The following MAPK8 variants were observed in gnomAD, a reference collection of about 807,000 sequenced individuals.
MAPK8 encodes mitogen-activated protein kinase 8, also known as JUN N-terminal kinase.
A neutral mutation model predicts 52.9 loss-of-function variants in MAPK8; 13 were observed. That is an observed-to-expected ratio of 0.25 (90% confidence interval 0.16 to 0.39). MAPK8 has a LOEUF of 0.39. Ranked by LOEUF, MAPK8 falls within the 10% of genes least tolerant of loss-of-function variation. MAPK8 has a pLI of 1.00. For missense variants in MAPK8, 300 were observed against 519.2 expected, an observed-to-expected ratio of 0.58 and a Z score of 4.10; for synonymous variants, 191 against 169.8, an observed-to-expected ratio of 1.12 and a Z score of -0.97.
At chr10:48,365,495 A>G (rs1432399870) in intron 1 of MAPK8, among the ~76,000 whole-genome samples, 1 of 152,076 alleles carries the variant, frequency 6.6e-6, no homozygotes, top group Non-Finnish European at 1.5e-5. Context: ...ATTTATTGCT[A>G]TTTTTGTTCT....
At chr10:48,345,601 T>C (rs1204525932) in intron 1 of MAPK8, among the ~76,000 whole-genome samples, 3 of 152,336 alleles carry the variant, frequency 2.0e-5, no homozygotes, top group African/African-American at 4.8e-5. Context: ...GGGATAGATA[T>C]ACTTTTCCAT....
intron 5 of MAPK8, among the ~76,000 whole-genome samples, chr10:48,419,128 T>C (rs1461955516): frequency 6.6e-6 from 1 of 152,206 alleles, no homozygotes; most frequent in East Asian, 1.9e-4. Context: ...CTAGATTACA[T>C]ATCTTCTAAA....
At chr10:48,307,865 T>C (rs1194339741) in intron 1 of MAPK8, among the ~76,000 whole-genome samples, 1 of 152,140 alleles carries the variant, frequency 6.6e-6, no homozygotes, top group Non-Finnish European at 1.5e-5. Flanking sequence ...AGAGGTTTGG[T>C]GTGAAGGTAA....
chr10:48,325,658 A>G (rs1189722525), intron 1 of MAPK8, among the ~76,000 whole-genome samples: 2 of 152,230 alleles, frequency 1.3e-5, no homozygotes, highest in East Asian at 1.9e-4. Context: ...AGTGAAAAGT[A>G]TTGGTACATT....
At chr10:48,356,677 A>G (rs1846975633) in intron 1 of MAPK8, among the ~76,000 whole-genome samples, 1 of 151,932 alleles carries the variant, frequency 6.6e-6, no homozygotes, top group East Asian at 1.9e-4. Context: ...CCCCGTCTTC[A>G]CTAAAAATAC....
At chr10:48,334,010 A>G (rs947261762) in intron 1 of MAPK8, among the ~76,000 whole-genome samples, 11 of 151,962 alleles carry the variant, frequency 7.2e-5, no homozygotes, top group African/African-American at 2.7e-4. Context: ...AGCTGGCCCC[A>G]CTTGGGGCTG....
At chr10:48,391,542 G>C (rs374426806) in intron 1 of MAPK8, among the ~76,000 whole-genome samples, 3 of 152,254 alleles carry the variant, frequency 2.0e-5, no homozygotes, top group East Asian at 3.9e-4. Context: ...AACTCAAAGT[G>C]CTTTTTTTCT....
intron 1 of MAPK8, among the ~76,000 whole-genome samples, chr10:48,356,328 A>G (rs1236683353): frequency 2.0e-5 from 3 of 152,330 alleles, no homozygotes; most frequent in Middle Eastern, 3.4e-3. Flanking sequence ...GTGTGTCATA[A>G]TAGCAGATAG....
At chr10:48,334,125 C>T (rs1299890728) in intron 1 of MAPK8, among the ~76,000 whole-genome samples, 2 of 152,210 alleles carry the variant, frequency 1.3e-5, no homozygotes, top group African/African-American at 4.8e-5. Flanking sequence ...GACGGCTCCA[C>T]AGAAGCCCTG....
chr10:48,382,940 G>GTATATATATATATGTATA (rs141088649), intron 1 of MAPK8, among the ~76,000 whole-genome samples: 2 of 139,214 alleles, frequency 1.4e-5, no homozygotes, highest in Non-Finnish European at 3.1e-5. Context: ...ATAGCTATGT[G>GTATATATATATATGTATA]TATATATATA....
At chr10:48,380,410 G>A (rs780549918) in intron 1 of MAPK8, among the ~76,000 whole-genome samples, 13 of 151,972 alleles carry the variant, frequency 8.6e-5, no homozygotes, top group Non-Finnish European at 1.8e-4. Flanking sequence ...TTGATTTGGG[G>A]GAACTGTATC....
intron 1 of MAPK8, among the ~76,000 whole-genome samples, chr10:48,351,742 A>G (rs768348627): frequency 9.9e-5 from 15 of 152,208 alleles, no homozygotes; most frequent in Non-Finnish European, 1.6e-4. Flanking sequence ...CAGGAGTAAA[A>G]TAAGAGATAC....
intron 5 of MAPK8, among the ~76,000 whole-genome samples, chr10:48,413,488 T>G (rs1309361592): frequency 6.6e-6 from 1 of 152,114 alleles, no homozygotes; most frequent in East Asian, 1.9e-4. Flanking sequence ...GGGTGTGAGG[T>G]GGTTTCCTGT....
At chr10:48,418,070 T>C (rs1265357364) in intron 5 of MAPK8, among the ~76,000 whole-genome samples, 3 of 152,240 alleles carry the variant, frequency 2.0e-5, no homozygotes, top group African/African-American at 7.2e-5. Context: ...TGTACTTGAA[T>C]GAGCATGACT....
At chr10:48,384,414 A>G (rs936509664) in intron 1 of MAPK8, among the ~76,000 whole-genome samples, 2 of 152,252 alleles carry the variant, frequency 1.3e-5, no homozygotes, top group Non-Finnish European at 2.9e-5. Context: ...TTTCTTTTAT[A>G]AATAGCCAAC....
At chr10:48,409,281 A>G (rs543837459) in intron 3 of MAPK8, among the ~76,000 whole-genome samples, 1 of 152,300 alleles carries the variant, frequency 6.6e-6, no homozygotes, top group South Asian at 2.1e-4. Flanking sequence ...AAAAGGAGTT[A>G]AAAATCACCC....
At chr10:48,347,307 A>G (rs994317985) in intron 1 of MAPK8, among the ~76,000 whole-genome samples, 1 of 152,238 alleles carries the variant, frequency 6.6e-6, no homozygotes, top group African/African-American at 2.4e-5. Flanking sequence ...AAAACCTCTC[A>G]TACCAAGAAG....
In MAPK8 at chr10:48,341,085, A is replaced by G. The variant is rs149986368; in HGVS notation, c.-50+34264A>G. On this transcript the variant is annotated intron_variant, in intron 1 of 11. Transcript: ENST00000374189. Reference sequence around the variant, plus strand: ...CTGTAAGAGGGTAAATCTGATCCCAATTACTCTACCATGTTAGAAGCAGAA... The same window carrying G: ...CTGTAAGAGGGTAAATCTGATCCCAGTTACTCTACCATGTTAGAAGCAGAA... Among the ~76,000 whole-genome samples, 99 of 152,342 alleles carry G rather than the reference A, an allele frequency of 6.5e-4. 1 individual carries two copies. The East Asian group carries it at 0.017, about 27-fold the overall frequency.
chr10:48,381,705 T>G (rs1399748106), intron 1 of MAPK8, among the ~76,000 whole-genome samples: 1 of 152,218 alleles, frequency 6.6e-6, no homozygotes, highest in African/African-American at 2.4e-5. Flanking sequence ...AATACCAAAT[T>G]ATGTAAACTA....
Sources: allele counts gnomAD v4.1 joint callset (sites outside exome capture counted in the v4.1 genomes callset), GRCh38; gene constraint gnomAD v4.1.1; transcripts MANE v1.5; gene names NCBI Gene and HGNC (gene_info 2026-07-23, HGNC 2026-07-21).